Variants in HS3ST4 observed in about 807,000 individuals in gnomAD.
HS3ST4 encodes heparan sulfate glucosamine 3-O-sulfotransferase 4.
Under a neutral mutation model 29.2 loss-of-function variants are expected in HS3ST4, and 17 were observed. The ratio of observed to expected loss-of-function variants is 0.58; its 90% CI spans 0.40 to 0.87. HS3ST4 has a LOEUF of 0.87. Among genes scored for constraint, HS3ST4 ranks in the 40% least tolerant of loss-of-function variants. The pLI is 0.00. For synonymous variants in HS3ST4, 314 were observed against 285.7 expected (o/e 1.10, Z -1.00); for missense variants, 627 against 634.5 (o/e 0.99, Z 0.13).
At position 25,873,373 on chromosome 16, in the gene HS3ST4, TCCA is replaced by T. The variant is rs1205417419; in HGVS notation, c.734+180223_734+180225del. ...ATCCATCCATCCACCTAGCAAGCCA[TCCA>T]GTCATCCATCCATCCATCCATCCAT... On this transcript the variant is annotated intron_variant, in intron 1 of 1. Transcript: ENST00000331351. Among the ~76,000 whole-genome samples the T allele has an allele frequency of 1.0e-4, 13 of 130,304 alleles. No homozygotes were observed. In the South Asian group the frequency reaches 1.5e-3, roughly 15 times the overall value. The allele number at this position is 130,304 out of a possible 152,430, so 85.5% of individuals were successfully genotyped here.
intron 1 of HS3ST4, among the ~76,000 whole-genome samples, chr16:26,124,291 A>G (rs1051407526): frequency 1.1e-4 from 16 of 152,016 alleles, no homozygotes; most frequent in Non-Finnish European, 1.8e-4. Flanking sequence ...CTGCCATGCT[A>G]TAGTTGCTAA....
At chr16:26,070,821 T>C (rs578247608) in intron 1 of HS3ST4, among the ~76,000 whole-genome samples, 15 of 152,352 alleles carry the variant, frequency 9.8e-5, no homozygotes, top group African/African-American at 3.4e-4. Context: ...TTGGTTGTTA[T>C]GGTAACCTGG....
chr16:26,035,496 A>G (rs1024756366), intron 1 of HS3ST4, among the ~76,000 whole-genome samples: 3 of 152,240 alleles, frequency 2.0e-5, no homozygotes, highest in African/African-American at 7.2e-5. Flanking sequence ...AGCTACCTCT[A>G]TTGGTGAAGT....
At chr16:26,034,481 A>G (rs74013244) in intron 1 of HS3ST4, among the ~76,000 whole-genome samples, 24,201 of 152,072 alleles carry the variant, frequency 0.16, 3,791 homozygotes, top group African/African-American at 0.4. Flanking sequence ...CCATACAGAG[A>G]AAGTCGGCTT....
intron 1 of HS3ST4, among the ~76,000 whole-genome samples, chr16:25,705,208 T>C (rs1484456665): frequency 2.6e-5 from 4 of 152,186 alleles, no homozygotes; most frequent in Admixed American, 1.3e-4. Flanking sequence ...TGTTTGACTT[T>C]TGTTACCTCC....
intron 1 of HS3ST4, among the ~76,000 whole-genome samples, chr16:25,793,029 T>G (rs1054796793): frequency 1.3e-5 from 2 of 151,928 alleles, no homozygotes; most frequent in African/African-American, 4.8e-5. Context: ...TCATGGTTAC[T>G]AACAATTGTG....
intron 1 of HS3ST4, among the ~76,000 whole-genome samples, chr16:25,868,939 T>C (rs1967722159): frequency 6.6e-6 from 1 of 152,188 alleles, no homozygotes; most frequent in South Asian, 2.1e-4. Context: ...AAAATCCCTG[T>C]AGCATTTAAG....
chr16:26,136,209 T>C lies in HS3ST4; in HGVS notation c.1332T>C (p.Gly444=), dbSNP rs1198540665. ...PFNLMFYQMT[G]QDFQWEQEEG... is the part of the protein sequence containing the mutation. ...ACTTGATGTTTTACCAAATGACTGG[T>C]CAAGATTTTCAGTGGGAACAGGAAG... Residue 444 remains glycine, a synonymous_variant, in exon 2 of 2, where the codon GGT becomes GGC. Transcript: ENST00000331351. The C allele has an allele frequency of 9.3e-6, 15 of 1,613,156 alleles. No individual in the cohort carries two copies. The highest frequency in any genetic ancestry group is 1.3e-5 in the African/African-American group (1 of 74,934).
chr16:25,825,360 T>TA (rs1256642401), intron 1 of HS3ST4: 1 of 152,204 alleles, frequency 6.6e-6, no homozygotes, highest in African/African-American at 2.4e-5. Flanking sequence ...ATGGCAAACT[T>TA]AGGAAGCTAA....
intron 1 of HS3ST4, among the ~76,000 whole-genome samples, chr16:25,704,065 T>C (rs1364892564): frequency 6.6e-6 from 1 of 152,196 alleles, no homozygotes; most frequent in African/African-American, 2.4e-5. Flanking sequence ...GCCTGGCAGA[T>C]AGTAGATGCT....
intron 1 of HS3ST4, among the ~76,000 whole-genome samples, chr16:25,698,090 T>C (rs1368740892): frequency 2.0e-5 from 3 of 151,744 alleles, no homozygotes; most frequent in African/African-American, 7.3e-5. Context: ...ATGTTGGTTA[T>C]TATTATTTGA....
chr16:26,100,463 C>G (rs979879897), intron 1 of HS3ST4, among the ~76,000 whole-genome samples: 1 of 152,110 alleles, frequency 6.6e-6, no homozygotes, highest in African/African-American at 2.4e-5. Context: ...CTCTCAGACC[C>G]TCAAAATTTG....
chr16:25,921,080 C>T (rs1482754089), intron 1 of HS3ST4, among the ~76,000 whole-genome samples: 1 of 152,174 alleles, frequency 6.6e-6, no homozygotes, highest in East Asian at 1.9e-4. Context: ...TTTATTTTCT[C>T]CCCACTTTAA....
At chr16:26,099,362 C>T (rs1898966141) in intron 1 of HS3ST4, among the ~76,000 whole-genome samples, 1 of 152,124 alleles carries the variant, frequency 6.6e-6, no homozygotes, top group African/African-American at 2.4e-5. Context: ...CGCTATATGG[C>T]CCAGACTGGT....
intron 1 of HS3ST4, among the ~76,000 whole-genome samples, chr16:25,828,634 C>T (rs1013862826): frequency 6.6e-6 from 1 of 152,032 alleles, no homozygotes; most frequent in Non-Finnish European, 1.5e-5. Context: ...AGCTACTGTG[C>T]CTGGCCCCCG....
chr16:25,893,014 G>T (rs1490638546), intron 1 of HS3ST4, among the ~76,000 whole-genome samples: 2 of 152,202 alleles, frequency 1.3e-5, no homozygotes, highest in Non-Finnish European at 2.9e-5. Flanking sequence ...TGAGAGCAAA[G>T]AAGTAATCAC....
chr16:25,730,620 C>T, intron 1 of HS3ST4, among the ~76,000 whole-genome samples: 1 of 133,086 alleles, frequency 7.5e-6, no homozygotes, highest in East Asian at 2.3e-4. Context: ...TTCTCTTTTC[C>T]TTCCTTCTTT....
intron 1 of HS3ST4, among the ~76,000 whole-genome samples, chr16:25,922,578 G>T (rs1325521178): frequency 1.3e-5 from 2 of 152,198 alleles, no homozygotes; most frequent in Admixed American, 6.5e-5. Flanking sequence ...TGAGAGAGAG[G>T]GTTGTTTATT....
intron 1 of HS3ST4, among the ~76,000 whole-genome samples, chr16:25,792,697 C>G (rs1170409706): frequency 6.7e-6 from 1 of 150,114 alleles, no homozygotes; most frequent in Non-Finnish European, 1.5e-5. Context: ...TTTTTCTTGA[C>G]CAGTTTTGTT....
Sources: gnomAD v4.1 joint callset for allele counts (sites outside exome capture counted in the v4.1 genomes callset) on GRCh38, gnomAD v4.1.1 for gene constraint, MANE v1.5 for transcripts, NCBI Gene and HGNC (gene_info 2026-07-23, HGNC 2026-07-21) for gene names.